Variants in PPP1R11 observed in about 807,000 individuals in gnomAD.
PPP1R11 encodes E3 ubiquitin-protein ligase PPP1R11.
A neutral mutation model predicts 11.3 loss-of-function variants in PPP1R11; 10 were observed. The observed-to-expected ratio is 0.88, with a 90% confidence interval of 0.55 to 1.50. The LOEUF (loss-of-function observed/expected upper bound fraction) is 1.50. Ranked by LOEUF, PPP1R11 falls within the 40% of genes most tolerant of loss-of-function variation. PPP1R11 has a pLI of 0.00. For synonymous variants in PPP1R11, 56 were observed against 62.3 expected, an observed-to-expected ratio of 0.90 and a Z score of 0.48; for missense variants, 114 against 179.1, an observed-to-expected ratio of 0.64 and a Z score of 2.07.
In PPP1R11 at chr6:30,069,329, C is replaced by T; in HGVS notation, c.*23C>T. 1.3e-6 allele frequency: 2 copies of T among 1,532,818 alleles called. No homozygotes were observed. The highest frequency in any genetic ancestry group is 1.2e-5 in the South Asian group (1 of 82,270). 95.0% of individuals were successfully genotyped at this position (1,532,818 alleles called of 1,614,324 possible). On this transcript the variant is annotated 3_prime_UTR_variant, in exon 3 of 3. Coordinates refer to ENST00000376772, the MANE Select transcript of PPP1R11 (RefSeq NM_021959.3). The surrounding 1 kb of genome is among the most constrained non-coding windows in gnomAD (Gnocchi z 6.6). Reference sequence around the variant, plus strand: ...TAAATCCCTCTCTCCTCCAGCATTCCTGTGTCTGTCTGGCCCTAAATGTAT... The same window carrying T: ...TAAATCCCTCTCTCCTCCAGCATTCTTGTGTCTGTCTGGCCCTAAATGTAT...
chr6:30,062,044 T>A (rs1036858587), upstream of PPP1R11: 2 of 1,598,862 alleles, frequency 1.3e-6, no homozygotes, highest in Non-Finnish European at 1.7e-6. Flanking sequence ...AAGAACTGGC[T>A]CCATAAGGTG....
At chr6:30,067,534 A>AG (rs1765630270) in intron 1 of PPP1R11, 55 bp downstream of exon 1, 2 of 1,564,390 alleles carry the variant, frequency 1.3e-6, no homozygotes, top group African/African-American at 2.7e-5. Context: ...ACTGGGAGGG[A>AG]GGGGACAGGG....
At chr6:30,064,584 C>T, upstream of PPP1R11, 1 of 1,246,242 alleles carries the variant, frequency 8.0e-7, no homozygotes, top group Admixed American at 2.1e-5. Context: ...AATAAAAGTC[C>T]TTCCTTGATT....
chr6:30,068,650 A>G lies in PPP1R11; in HGVS notation c.130A>G (p.Thr44Ala). The G allele has an allele frequency of 6.2e-7, 1 of 1,613,006 alleles. No homozygotes were observed. Among genetic ancestry groups the G allele is most frequent in the Non-Finnish European group, 8.5e-7 (1 of 1,179,986 alleles). ...GAAGCCAGAGAAAAAGGTAGAATGG[A>G]CAAGTGACACTGTGGACAATGAACA... Reference protein sequence around the residue: ...KRKPEKKVEWTSDTVDNEHMG... With the variant: ...KRKPEKKVEWASDTVDNEHMG... Residue 44 changes from threonine to alanine, a missense_variant, in exon 2 of 3, where the codon ACA (threonine) becomes GCA (alanine). Physicochemically the swap from Thr to Ala is moderately conservative, Grantham distance 58. Coordinates refer to ENST00000376772, the MANE Select transcript of PPP1R11 (RefSeq NM_021959.3).
the PPP1R11 span, chr6:30,061,271 G>A: frequency 2.5e-6 from 1 of 407,892 alleles, no homozygotes; most frequent in African/African-American, 2.1e-5. This position sits in a 1 kb window ranked among gnomAD's most constrained non-coding sequence, Gnocchi z 5.0. Flanking sequence ...GCGCAGAGCT[G>A]GCGCTCTAGC....
At chr6:30,062,390 T>TG, upstream of PPP1R11, 1 of 1,248,496 alleles carries the variant, frequency 8.0e-7, no homozygotes, top group Non-Finnish European at 1.2e-6. Flanking sequence ...ACAAATCCAG[T>TG]GATTTATTTT....
At chr6:30,063,547 T>C (rs1765280940), upstream of PPP1R11, among the ~76,000 whole-genome samples, 1 of 151,676 alleles carries the variant, frequency 6.6e-6, no homozygotes, top group South Asian at 2.1e-4. The surrounding 1 kb of genome is among the most constrained non-coding windows in gnomAD (Gnocchi z 4.1). Context: ...ATATTAAATA[T>C]GGTTATTATA....
At chr6:30,066,431 CTG>C (rs1765530642), upstream of PPP1R11, among the ~76,000 whole-genome samples, 1 of 152,224 alleles carries the variant, frequency 6.6e-6, no homozygotes, top group East Asian at 1.9e-4. Flanking sequence ...ATAGCCTATA[CTG>C]TAATTTACGA....
At chr6:30,067,169 GGA>G, upstream of PPP1R11, 1 of 454,036 alleles carries the variant, frequency 2.2e-6, no homozygotes, top group Non-Finnish European at 3.9e-6. Flanking sequence ...TTGGTGCCGT[GGA>G]AGGGAAAAAG....
At chr6:30,062,901 GA>G (rs28383815), upstream of PPP1R11, among the ~76,000 whole-genome samples, 29 of 143,406 alleles carry the variant, frequency 2.0e-4, no homozygotes, top group African/African-American at 4.1e-4. Flanking sequence ...AGGAAATGAA[GA>G]AAAAAAAAAC....
At chr6:30,061,720 T>A, upstream of PPP1R11, 2 of 1,608,914 alleles carry the variant, frequency 1.2e-6, no homozygotes, top group Non-Finnish European at 1.7e-6. This position sits in a 1 kb window ranked among gnomAD's most constrained non-coding sequence, Gnocchi z 5.0. Context: ...GGTCGGAAGC[T>A]TGGGGAACTC....
upstream of PPP1R11, chr6:30,062,271 C>T (rs756053671): frequency 9.9e-6 from 16 of 1,612,992 alleles, no homozygotes; most frequent in African/African-American, 2.0e-4. Context: ...TGGCATACCA[C>T]ACCAGACAGA....
upstream of PPP1R11, chr6:30,064,561 CAAT>C: frequency 1.1e-6 from 1 of 937,112 alleles, no homozygotes; most frequent in South Asian, 1.7e-5. Flanking sequence ...AGCCAGTCCT[CAAT>C]GATGTCATAA....
intron 1 of PPP1R11, 158 bp downstream of exon 1, chr6:30,067,637 A>G: frequency 3.3e-6 from 3 of 904,818 alleles, no homozygotes; most frequent in Non-Finnish European, 5.1e-6. Flanking sequence ...TATTGGAGCT[A>G]TTTGGAGTGG....
Position 30,068,635 on chromosome 6 carries a change from A to G in PPP1R11, c.115A>G (p.Lys39Glu). 6.2e-7 allele frequency: 1 copy of G among 1,612,720 alleles called. No individual in the cohort carries two copies. ...CAAACTTCGGAAACGGAAGCCAGAG[A>G]AAAAGGTAGAATGGACAAGTGACAC... The part of the protein sequence containing the change: ...TIKLRKRKPE[K>E]KVEWTSDTVD... The change falls in exon 2 of 3, where the codon AAA becomes GAA. Residue 39 changes from lysine (K) to glutamate (E), a missense_variant. Lys to Glu is a moderately conservative substitution (Grantham distance 56). Coordinates refer to ENST00000376772, the MANE Select transcript of PPP1R11 (RefSeq NM_021959.3).
Position 30,067,490 on chromosome 6 carries a change from CG to C in PPP1R11, c.69+18del, listed in dbSNP as rs748162802. ...GTGACAACCGAGCCCGTGAGAAAGG[CG>C]GGGGGGCGGTGCTGTTTAGGGGTCT... On this transcript the variant is annotated intron_variant, in intron 1 of 2. Transcript: ENST00000376772. The C allele has an allele frequency of 8.7e-6, 14 of 1,611,918 alleles. No individual in the cohort carries two copies. The highest frequency in any genetic ancestry group is 1.7e-5 in the Admixed American group (1 of 59,958).
At chr6:30,063,097 G>A (rs142980518), upstream of PPP1R11, among the ~76,000 whole-genome samples, 65 of 152,072 alleles carry the variant, frequency 4.3e-4, no homozygotes, top group African/African-American at 7.2e-4. The surrounding 1 kb of genome is among the most constrained non-coding windows in gnomAD (Gnocchi z 4.1). Flanking sequence ...ATCAAAATAC[G>A]ATTTTCTTTT....
rs1765618906 is a variant in PPP1R11 at position 30,067,416 on chromosome 6, C to A, written c.6C>A (p.Ala2=). Residue 2 remains alanine, a synonymous_variant, in exon 1 of 3, where the codon GCC becomes GCA. Transcript: ENST00000376772. ...CCCTGTCCTGAGCCTTAGCCATGGC[C>A]GAGGCAGGGGCTGGGCTGAGCGAGA... The part of the protein sequence containing the change: M[A]EAGAGLSETV... 1 of 1,613,974 alleles carries A rather than the reference C, an allele frequency of 6.2e-7. No individual in the cohort carries two copies. Among genetic ancestry groups the A allele is most frequent in the Non-Finnish European group, 8.5e-7 (1 of 1,179,894 alleles).
chr6:30,068,260 A>G (rs1055464610), intron 1 of PPP1R11: 1 of 193,590 alleles, frequency 5.2e-6, no homozygotes, highest in Non-Finnish European at 1.0e-5. Context: ...AATAATTTTC[A>G]TGTATTAATA....
Sources: gnomAD v4.1 joint callset for allele counts (sites outside exome capture counted in the v4.1 genomes callset) on GRCh38, gnomAD v4.1.1 for gene constraint, Gnocchi (gnomAD v3.1) non-coding constraint, MANE v1.5 for transcripts, NCBI Gene and HGNC (gene_info 2026-07-23, HGNC 2026-07-21) for gene names.